The following NDC1 variants were observed in gnomAD, a reference collection of about 807,000 sequenced individuals.
NDC1 encodes NDC1 transmembrane nucleoporin.
NDC1 carries 24 observed loss-of-function variants against 89.8 expected under a neutral mutation model. That is an observed-to-expected ratio of 0.27 (90% CI 0.19 to 0.38). NDC1 has a LOEUF of 0.38. Among genes scored for constraint, NDC1 ranks in the 10% least tolerant of loss-of-function variants. The pLI, the probability that NDC1 is intolerant of heterozygous loss-of-function variation, is 1.00. For synonymous variants in NDC1, 296 were observed against 284.8 expected (o/e 1.04, Z -0.39); for missense variants, 728 against 797.6 (o/e 0.91, Z 1.05).
chr1:53,788,947 A>T (rs1251105501), intron 15 of NDC1, among the ~76,000 whole-genome samples, 186 bp downstream of exon 15: 2 of 152,188 alleles, frequency 1.3e-5, no homozygotes, highest in Non-Finnish European at 2.9e-5. Flanking sequence ...TACAAGAAAA[A>T]ATTGTGCCCA....
intron 6 of NDC1, among the ~76,000 whole-genome samples, chr1:53,813,491 GACAAA>G (rs1557583281): frequency 6.6e-6 from 1 of 152,086 alleles, no homozygotes; most frequent in Non-Finnish European, 1.5e-5. Flanking sequence ...TCTTATATCA[GACAAA>G]ACAAATTTTA....
chr1:53,833,174 T>A (rs1649121406), intron 2 of NDC1, among the ~76,000 whole-genome samples: 1 of 152,188 alleles, frequency 6.6e-6, no homozygotes, highest in Non-Finnish European at 1.5e-5. Flanking sequence ...CTGTCTTTCT[T>A]TCTTTCAAGA....
intron 2 of NDC1, among the ~76,000 whole-genome samples, chr1:53,833,669 C>T (rs1452488817): frequency 1.3e-5 from 2 of 152,000 alleles, no homozygotes; most frequent in Non-Finnish European, 2.9e-5. Flanking sequence ...AATACTAATA[C>T]ATTCACATTT....
intron 5 of NDC1, among the ~76,000 whole-genome samples, chr1:53,821,303 G>T (rs1034447274): frequency 2.6e-5 from 4 of 152,004 alleles, no homozygotes; most frequent in African/African-American, 9.7e-5. Flanking sequence ...GTAAGATAAG[G>T]CACGGTGGCA....
intron 3 of NDC1, among the ~76,000 whole-genome samples, chr1:53,828,641 C>T (rs990095090): frequency 1.3e-5 from 2 of 151,110 alleles, no homozygotes; most frequent in South Asian, 2.1e-4. Flanking sequence ...GACGGAGTTT[C>T]GCTCTTGTTG....
In NDC1 at chr1:53,771,300, GAGAA is replaced by G. The variant is rs1647111496; in HGVS notation, c.1961+1025_1961+1028del. 3 of 152,256 alleles carry G rather than the reference GAGAA, an allele frequency of 2.0e-5. No individual in the cohort carries two copies. In the South Asian group the frequency reaches 6.2e-4, roughly 32 times the overall value. 9.4% of individuals were successfully genotyped at this position (152,256 alleles called of 1,614,324 possible). ...AGATAGAAAGATGAAAGATTTTTAA[GAGAA>G]AGAAAGACTTGATTTCAGGTTCATG... is the stretch of plus-strand genomic sequence containing the variant. On this transcript the variant is annotated intron_variant, in intron 17 of 17. Coordinates refer to ENST00000371429, the MANE Select transcript of NDC1 (RefSeq NM_018087.5).
At chr1:53,784,241 A>ACG (rs1647252071) in intron 16 of NDC1, among the ~76,000 whole-genome samples, 1 of 151,922 alleles carries the variant, frequency 6.6e-6, no homozygotes, top group African/African-American at 2.4e-5. Context: ...ACACACACAC[A>ACG]CACACACACG....
intron 13 of NDC1, among the ~76,000 whole-genome samples, chr1:53,796,485 C>T (rs777495358): frequency 6.0e-5 from 9 of 150,112 alleles, no homozygotes; most frequent in Non-Finnish European, 1.2e-4. Context: ...ATATTTCTTA[C>T]ATGAAGTTAT....
chr1:53,828,046 G>A lies in NDC1; in HGVS notation c.408C>T (p.Thr136=), dbSNP rs894275645. The A allele has an allele frequency of 2.5e-6, 4 of 1,613,806 alleles. No individual in the cohort carries two copies. The highest frequency in any genetic ancestry group is 3.4e-6 in the Non-Finnish European group (4 of 1,179,876). The change falls in exon 4 of 18, where the codon ACC becomes ACT. Residue 136 remains threonine, a synonymous_variant. Transcript: ENST00000371429. ...MVMAWCAAVI[T]QGQYSFLVVP... ...CCACAAGAAAGCTGTACTGGCCCTG[G>A]GTTATCACTGCAGCACACCAGGCCA...
chr1:53,786,924 C>T (rs2100637730), intron 16 of NDC1, among the ~76,000 whole-genome samples: 1 of 152,170 alleles, frequency 6.6e-6, no homozygotes, highest in Admixed American at 6.5e-5. Context: ...TCAAACTCTC[C>T]ACCTCAAGCG....
chr1:53,797,824 G>A (rs191539915), intron 11 of NDC1, among the ~76,000 whole-genome samples: 5 of 151,854 alleles, frequency 3.3e-5, no homozygotes, highest in African/African-American at 9.7e-5. Context: ...AGACAGATTC[G>A]CCATGTTTCC....
intron 2 of NDC1, among the ~76,000 whole-genome samples, chr1:53,834,698 A>T (rs909382833): frequency 2.6e-5 from 4 of 152,336 alleles, no homozygotes; most frequent in African/African-American, 9.6e-5. Context: ...GAAGGATAAG[A>T]AGTAATATAT....
chr1:53,772,662 A>ATAACG (rs1444104725), intron 16 of NDC1, among the ~76,000 whole-genome samples, 173 bp from the exon 17 acceptor site: 15 of 18,880 alleles, frequency 7.9e-4, no homozygotes, highest in Non-Finnish European at 2.1e-3. Context: ...CTGTCTCAAA[A>ATAACG]TAACATAACA....
intron 6 of NDC1, among the ~76,000 whole-genome samples, chr1:53,813,068 G>A (rs1648366121): frequency 6.6e-6 from 1 of 152,084 alleles, no homozygotes; most frequent in African/African-American, 2.4e-5. Context: ...GAGAGAATTC[G>A]CCATTACCAA....
At chr1:53,811,875 C>T (rs544957154) in intron 6 of NDC1, among the ~76,000 whole-genome samples, 12 of 152,274 alleles carry the variant, frequency 7.9e-5, no homozygotes, top group Admixed American at 1.3e-4. Context: ...ACCACCTCCA[C>T]TGGAACACGC....
At chr1:53,779,623 G>A (rs1418346464) in intron 16 of NDC1, among the ~76,000 whole-genome samples, 1 of 152,080 alleles carries the variant, frequency 6.6e-6, no homozygotes, top group East Asian at 1.9e-4. Flanking sequence ...GCCTGCGAAG[G>A]ACTTGGGGTC....
chr1:53,791,523 G>A lies in NDC1; in HGVS notation c.1635+1706C>T, dbSNP rs949054216. 4.6e-5 allele frequency among the ~76,000 whole-genome samples: 7 copies of A among 151,776 alleles called. 1 individual carries two copies. The highest frequency in any genetic ancestry group is 4.2e-4 in the South Asian group (2 of 4,786). On this transcript the variant is annotated intron_variant, in intron 14 of 17. Transcript: ENST00000371429. Reference sequence around the variant, plus strand: ...TTCATGCTGCCTACCCTTCTTTAACGTACCACCATGGAATAGTGTGGAACA... The same window carrying A: ...TTCATGCTGCCTACCCTTCTTTAACATACCACCATGGAATAGTGTGGAACA...
At chr1:53,791,182 G>A (rs867219953) in intron 14 of NDC1, among the ~76,000 whole-genome samples, 7 of 152,038 alleles carry the variant, frequency 4.6e-5, no homozygotes, top group Middle Eastern at 6.8e-3. Flanking sequence ...TGTGATGTCC[G>A]GCCAGGCGAG....
chr1:53,826,786 C>CT (rs1648879003), intron 4 of NDC1, among the ~76,000 whole-genome samples: 1 of 152,172 alleles, frequency 6.6e-6, no homozygotes, highest in Non-Finnish European at 1.5e-5. Context: ...GCCCCACCAT[C>CT]TAACTCCATG....
Sources: allele counts gnomAD v4.1 joint callset (sites outside exome capture counted in the v4.1 genomes callset), GRCh38; gene constraint gnomAD v4.1.1; transcripts MANE v1.5; gene names NCBI Gene and HGNC (gene_info 2026-07-23, HGNC 2026-07-21).